The following BANP variants were observed in gnomAD, a reference collection of about 807,000 sequenced individuals.
BANP encodes BTG3 associated nuclear protein.
BANP carries 11 observed loss-of-function variants against 68.1 expected under a neutral mutation model. The observed-to-expected ratio is 0.16, with a 90% CI of 0.10 to 0.27. The LOEUF (loss-of-function observed/expected upper bound fraction) is 0.27. BANP is among the 10% of genes least tolerant of loss of function. The probability of loss-of-function intolerance (pLI) is 1.00; values close to 1 mark genes in which losing one functional copy is unlikely to be tolerated. For synonymous variants in BANP, 329 were observed against 303.2 expected (o/e 1.09, Z -0.88); for missense variants, 504 against 722.7 (o/e 0.70, Z 3.47).
At chr16:87,976,518 T>TA (rs1441343661) in intron 2 of BANP, among the ~76,000 whole-genome samples, 12 of 150,700 alleles carry the variant, frequency 8.0e-5, no homozygotes, top group African/African-American at 2.9e-4. Flanking sequence ...GTTTTATTGT[T>TA]CTGTTAAGTT....
At chr16:87,985,807 C>G (rs947729291) in intron 4 of BANP, among the ~76,000 whole-genome samples, 1 of 152,186 alleles carries the variant, frequency 6.6e-6, no homozygotes, top group Non-Finnish European at 1.5e-5. Context: ...TAGAATATTA[C>G]AGAATGGTGA....
intron 3 of BANP, chr16:87,982,648 G>C (rs1208791159): frequency 2.0e-5 from 3 of 152,248 alleles, no homozygotes; most frequent in Non-Finnish European, 4.4e-5. Flanking sequence ...ACAGAGAGTA[G>C]TCAGTCAGGG....
Position 88,006,779 on chromosome 16 carries a change from C to A in BANP, c.655+514C>A, listed in dbSNP as rs187696821. Among the ~76,000 whole-genome samples, 5 of 151,124 alleles carry A rather than the reference C, an allele frequency of 3.3e-5. No individual in the cohort carries two copies. The East Asian group carries it at 9.7e-4, about 29-fold the overall frequency. ...CCAGCCTGGCCAAAATGGTGAAACC[C>A]CATCTCTACTAAAACTACAAAAATT... On this transcript the variant is annotated intron_variant, in intron 6 of 13. Coordinates refer to ENST00000682872, the MANE Select transcript of BANP (RefSeq NM_001386991.1).
At chr16:87,960,149 T>TGGAGC (rs558407368) in intron 1 of BANP, among the ~76,000 whole-genome samples, 1 of 152,144 alleles carries the variant, frequency 6.6e-6, no homozygotes, top group Non-Finnish European at 1.5e-5. Flanking sequence ...TGGGGGCTTC[T>TGGAGC]GGAGCAGAGC....
At chr16:88,012,011 C>T (rs1018700279) in intron 6 of BANP, among the ~76,000 whole-genome samples, 1 of 152,182 alleles carries the variant, frequency 6.6e-6, no homozygotes, top group Admixed American at 6.5e-5. Context: ...GTCCCTAGTC[C>T]CCAGGATCCT....
chr16:88,052,024 C>T (rs1402258614), intron 11 of BANP, among the ~76,000 whole-genome samples: 2 of 152,134 alleles, frequency 1.3e-5, no homozygotes, highest in Non-Finnish European at 2.9e-5. Flanking sequence ...TACTAGCTGC[C>T]CTCAGATACC....
At chr16:87,980,992 A>T (rs1598052889) in intron 2 of BANP, 44 bp from the exon 3 acceptor site, 7 of 1,390,228 alleles carry the variant, frequency 5.0e-6, no homozygotes, top group Non-Finnish European at 7.1e-6. Flanking sequence ...AATTCTGTAA[A>T]ACTTTTCATG....
intron 5 of BANP, among the ~76,000 whole-genome samples, chr16:88,005,413 T>C (rs1245380203): frequency 2.0e-5 from 3 of 152,208 alleles, no homozygotes; most frequent in African/African-American, 7.2e-5. Flanking sequence ...CTCCTGCTGG[T>C]GCGTAGCAGT....
chr16:88,026,288 G>C (rs559256617), intron 7 of BANP, among the ~76,000 whole-genome samples: 2 of 152,202 alleles, frequency 1.3e-5, no homozygotes, highest in African/African-American at 2.4e-5. Flanking sequence ...CCAGGGATGA[G>C]GACACAGGCC....
chr16:88,013,897 T>C (rs1356072570), intron 6 of BANP, among the ~76,000 whole-genome samples: 1 of 152,170 alleles, frequency 6.6e-6, no homozygotes, highest in African/African-American at 2.4e-5. Context: ...AGGAAATCCA[T>C]GGACACAAGT....
intron 1 of BANP, among the ~76,000 whole-genome samples, chr16:87,965,208 G>C (rs960345806): frequency 6.6e-6 from 1 of 152,174 alleles, no homozygotes; most frequent in Non-Finnish European, 1.5e-5. Context: ...GAGCCGGAAT[G>C]AGCCCCATCA....
intron 1 of BANP, chr16:87,956,492 T>G (rs2058074785): frequency 6.6e-6 from 1 of 152,266 alleles, no homozygotes; most frequent in African/African-American, 2.4e-5. Context: ...GGGAGGAGTT[T>G]CAGGAAGTTG....
At chr16:88,052,089 A>G (rs1205371584) in intron 11 of BANP, among the ~76,000 whole-genome samples, 2 of 152,228 alleles carry the variant, frequency 1.3e-5, no homozygotes, top group South Asian at 4.1e-4. Context: ...ACAGCCAAGG[A>G]CAGGCACCCA....
At chr16:87,969,555 CAG>C (rs1472161812) in intron 1 of BANP, among the ~76,000 whole-genome samples, 1 of 134,566 alleles carries the variant, frequency 7.4e-6, no homozygotes, top group African/African-American at 2.9e-5. Context: ...TTTTTTGAGA[CAG>C]AGTCTCCCCC....
intron 4 of BANP, among the ~76,000 whole-genome samples, chr16:87,987,370 C>T (rs1199311678): frequency 3.9e-5 from 6 of 152,138 alleles, no homozygotes; most frequent in East Asian, 3.9e-4. Context: ...TGAGCCACCA[C>T]GCCTAGTGGA....
At chr16:88,040,640 C>G (rs1346181927) in intron 11 of BANP, among the ~76,000 whole-genome samples, 1 of 152,252 alleles carries the variant, frequency 6.6e-6, no homozygotes, top group Non-Finnish European at 1.5e-5. Flanking sequence ...GTCTAGGGCT[C>G]TCTCTTCTCC....
chr16:88,029,425 C>G (rs1243695682), intron 8 of BANP, among the ~76,000 whole-genome samples: 1 of 149,532 alleles, frequency 6.7e-6, no homozygotes, highest in Non-Finnish European at 1.5e-5. Context: ...CTGGCTAACA[C>G]GGTGAAACCC....
intron 1 of BANP, 23 bp from the exon 2 acceptor site, chr16:87,975,025 C>T: frequency 9.2e-7 from 1 of 1,091,332 alleles, no homozygotes; most frequent in Non-Finnish European, 1.4e-6. Context: ...GTCCTCTCCT[C>T]CTCCTTTGCT....
chr16:88,073,705 C>G (rs1018320233), intron 13 of BANP, among the ~76,000 whole-genome samples: 1 of 152,204 alleles, frequency 6.6e-6, no homozygotes, highest in Non-Finnish European at 1.5e-5. Flanking sequence ...CAGATAGGAG[C>G]GCTGCAGGAG....
Sources: allele counts gnomAD v4.1 joint callset (sites outside exome capture counted in the v4.1 genomes callset), GRCh38; gene constraint gnomAD v4.1.1; transcripts MANE v1.5; gene names NCBI Gene and HGNC (gene_info 2026-07-23, HGNC 2026-07-21).